Variants in WWOX observed in about 807,000 individuals in gnomAD.
The protein encoded by WWOX is WW domain-containing oxidoreductase.
Under a neutral mutation model 46.2 loss-of-function variants are expected in WWOX, and 69 were observed. The ratio of observed to expected loss-of-function variants is 1.49; its 90% CI spans 1.23 to 1.82. WWOX has a LOEUF of 1.82. Ranked by LOEUF, WWOX falls within the 40% of genes most tolerant of loss-of-function variation. WWOX has a pLI of 0.00. For synonymous variants in WWOX, 359 were observed against 202.6 expected, an observed-to-expected ratio of 1.77 and a Z score of -6.56; for missense variants, 919 against 542.6, an observed-to-expected ratio of 1.69 and a Z score of -6.89.
intron 8 of WWOX, among the ~76,000 whole-genome samples, chr16:78,656,523 C>G (rs907674652): frequency 1.3e-5 from 2 of 152,120 alleles, no homozygotes; most frequent in Non-Finnish European, 2.9e-5. Context: ...GAGTAGGAGG[C>G]AAGGAGCGAA....
At chr16:78,747,296 A>G (rs894176809) in intron 8 of WWOX, among the ~76,000 whole-genome samples, 6 of 151,522 alleles carry the variant, frequency 4.0e-5, no homozygotes, top group African/African-American at 7.3e-5. Context: ...GGTTCAAGCA[A>G]TTCTCTAGCC....
intron 8 of WWOX, among the ~76,000 whole-genome samples, chr16:78,802,947 A>C (rs1363118573): frequency 5.6e-4 from 13 of 23,404 alleles, no homozygotes; most frequent in African/African-American, 1.4e-3. Flanking sequence ...AAAAAACAAC[A>C]AACAGAAAAA....
intron 8 of WWOX, among the ~76,000 whole-genome samples, chr16:78,615,429 T>C (rs2045999469): frequency 6.6e-6 from 1 of 152,014 alleles, no homozygotes; most frequent in South Asian, 2.1e-4. Context: ...CAGGAGGATC[T>C]CCTGAAGCCC....
At position 78,951,534 on chromosome 16, in the gene WWOX, G is replaced by A. The variant is rs559337557; in HGVS notation, c.1057-260074G>A. ...CTCACAGTAAAGAAGTCATGTTATT[G>A]CTGGAAAAGGGGACATGGGTATTAA... On this transcript the variant is annotated intron_variant, in intron 8 of 8. Coordinates refer to ENST00000566780, the MANE Select transcript of WWOX (RefSeq NM_016373.4). 1.8e-4 allele frequency among the ~76,000 whole-genome samples: 27 copies of A among 152,292 alleles called. No homozygotes were observed. The East Asian group carries it at 4.8e-3, about 27-fold the overall frequency.
intron 8 of WWOX, among the ~76,000 whole-genome samples, chr16:78,920,170 C>G (rs948162840): frequency 2.6e-5 from 4 of 152,050 alleles, no homozygotes; most frequent in Admixed American, 2.6e-4. Context: ...TGCCAGGATC[C>G]AGAGTAAAAG....
intron 8 of WWOX, among the ~76,000 whole-genome samples, chr16:79,073,168 A>G (rs991924330): frequency 5.2e-4 from 77 of 147,964 alleles, no homozygotes; most frequent in Admixed American, 2.6e-3. Flanking sequence ...TATTATTATT[A>G]TTATTATTAT....
At chr16:78,138,066 G>A (rs1486973891) in intron 4 of WWOX, among the ~76,000 whole-genome samples, 2 of 150,616 alleles carry the variant, frequency 1.3e-5, no homozygotes, top group African/African-American at 4.9e-5. Flanking sequence ...GAGGAAAGTT[G>A]TCTAGCAGAC....
chr16:78,592,596 A>G (rs2045377151), intron 8 of WWOX, among the ~76,000 whole-genome samples: 1 of 152,062 alleles, frequency 6.6e-6, no homozygotes, highest in African/African-American at 2.4e-5. Flanking sequence ...GCTTCTTTTT[A>G]TTTCTTAGAG....
At chr16:78,716,160 CAG>C (rs1160865579) in intron 8 of WWOX, among the ~76,000 whole-genome samples, 1 of 151,930 alleles carries the variant, frequency 6.6e-6, no homozygotes, top group African/African-American at 2.4e-5. Context: ...GGCACAGAGA[CAG>C]AGGCAGAGAT....
chr16:78,743,605 T>TCC (rs1479504611), intron 8 of WWOX, among the ~76,000 whole-genome samples: 1 of 152,126 alleles, frequency 6.6e-6, no homozygotes, highest in Non-Finnish European at 1.5e-5. Context: ...CAGAGGCTAC[T>TCC]CCCTCTGCAA....
chr16:78,123,441 T>TTTTTTG (rs2033206408), intron 4 of WWOX: 1 of 42,962 alleles, frequency 2.3e-5, no homozygotes. Flanking sequence ...TTTTGTTTTG[T>TTTTTTG]TTTTTTTTTT....
At chr16:78,927,594 A>G (rs1371189021) in intron 8 of WWOX, among the ~76,000 whole-genome samples, 2 of 152,182 alleles carry the variant, frequency 1.3e-5, no homozygotes, top group East Asian at 1.9e-4. Context: ...CTACAACCCT[A>G]TGTAGTTCAC....
chr16:78,957,987 A>C (rs920909794), intron 8 of WWOX, among the ~76,000 whole-genome samples: 1 of 152,130 alleles, frequency 6.6e-6, no homozygotes, highest in Non-Finnish European at 1.5e-5. Context: ...CTTTCGTTTT[A>C]TTTAATGCGT....
chr16:78,241,343 G>T (rs1443937976), intron 5 of WWOX: 1 of 151,830 alleles, frequency 6.6e-6, no homozygotes, highest in Non-Finnish European at 1.5e-5. Context: ...GCTTCCTCCT[G>T]TTGCTATCAG....
intron 3 of WWOX, 100 bp from the exon 4 acceptor site, chr16:78,114,876 G>T: frequency 6.8e-7 from 1 of 1,462,170 alleles, no homozygotes; most frequent in Non-Finnish European, 9.5e-7. Context: ...TAAGCATTTT[G>T]GTCTATGAAA....
At chr16:78,825,024 C>G (rs60474605) in intron 8 of WWOX, among the ~76,000 whole-genome samples, 1 of 152,190 alleles carries the variant, frequency 6.6e-6, no homozygotes, top group South Asian at 2.1e-4. Context: ...TGGTTTCTCT[C>G]TCACCATCCC....
intron 8 of WWOX, among the ~76,000 whole-genome samples, chr16:78,593,131 A>T (rs184379575): frequency 2.7e-4 from 41 of 152,268 alleles, no homozygotes; most frequent in African/African-American, 8.9e-4. Context: ...GTGCCAAACC[A>T]GGTGTCATTG....
chr16:78,367,752 CTT>C (rs555870901), intron 5 of WWOX, among the ~76,000 whole-genome samples: 1 of 145,582 alleles, frequency 6.9e-6, no homozygotes, highest in South Asian at 2.2e-4. Context: ...GGGCCAACCT[CTT>C]TTTTTTTTTT....
At chr16:78,385,851 C>A (rs2082049107) in intron 5 of WWOX, among the ~76,000 whole-genome samples, 1 of 152,136 alleles carries the variant, frequency 6.6e-6, no homozygotes, top group Non-Finnish European at 1.5e-5. Flanking sequence ...GTTTTTTGTC[C>A]TTTCAAGGAG....
Sources: gnomAD v4.1 joint callset for allele counts (sites outside exome capture counted in the v4.1 genomes callset) on GRCh38, gnomAD v4.1.1 for gene constraint, MANE v1.5 for transcripts, NCBI Gene and HGNC (gene_info 2026-07-23, HGNC 2026-07-21) for gene names.